OXA1L: variants seen among roughly 807,000 people sequenced by gnomAD.
OXA1L encodes OXA1L mitochondrial inner membrane insertase.
A neutral mutation model predicts 52.2 loss-of-function variants in OXA1L; 42 were observed. The observed-to-expected ratio is 0.80, with a 90% CI of 0.63 to 1.04. The LOEUF (loss-of-function observed/expected upper bound fraction) is 1.04. OXA1L is among the 50% of genes least tolerant of loss of function. The pLI is 0.00. For synonymous variants in OXA1L, 239 were observed against 201.9 expected, an observed-to-expected ratio of 1.18 and a Z score of -1.56; for missense variants, 572 against 555.0, an observed-to-expected ratio of 1.03 and a Z score of -0.31.
In OXA1L at chr14:22,772,129, C is replaced by T. The variant is rs1167438242; in HGVS notation, c.*571C>T. 2.0e-5 allele frequency: 3 copies of T among 150,874 alleles called. No homozygotes were observed. The highest frequency in any genetic ancestry group is 4.4e-5 in the Non-Finnish European group (3 of 68,182). The allele number at this position is 150,874 out of a possible 1,614,324, so 9.3% of individuals were successfully genotyped here. ...AAGAAAACTGAAGAATAGAGTGAGTCATGATTGCTTTTGCTGGCCCATGGC... is the reference window on the plus strand; with the variant it reads ...AAGAAAACTGAAGAATAGAGTGAGTTATGATTGCTTTTGCTGGCCCATGGC... On this transcript the variant is annotated 3_prime_UTR_variant, in exon 10 of 10. Transcript: ENST00000612549.
rs1263936729 is a variant in OXA1L, at chr14:22,772,440, G to C, written c.*882G>C. The C allele has an allele frequency of 7.5e-6, 1 of 133,440 alleles. No homozygotes were observed. The highest frequency in any genetic ancestry group is 1.5e-5 in the Non-Finnish European group (1 of 64,938). 8.3% of individuals were successfully genotyped at this position (133,440 alleles called of 1,614,324 possible). A position where few individuals can be genotyped will look rare whatever the true frequency, so the allele number is the denominator to read the frequency against. ...GGAGGCAGAGCTTGCAGTGAGCCGA[G>C]ATTGCGCCACTGCACTCCAGCCTGG... On this transcript the variant is annotated 3_prime_UTR_variant, in exon 10 of 10. Coordinates refer to ENST00000612549, the MANE Select transcript of OXA1L (RefSeq NM_005015.5).
At chr14:22,767,196 C>T in intron 1 of OXA1L, 52 bp from the exon 2 acceptor site, 1 of 1,571,888 alleles carries the variant, frequency 6.4e-7, no homozygotes, top group Non-Finnish European at 8.6e-7. Context: ...TGCACCCACG[C>T]GAGGACTTCT....
intron 1 of OXA1L, 172 bp from the exon 2 acceptor site, chr14:22,767,076 C>T (rs937101885): frequency 2.5e-4 from 384 of 1,536,492 alleles, no homozygotes; most frequent in Non-Finnish European, 3.3e-4. Context: ...CTGCAGGCAC[C>T]ACCCGCTGCA....
intron 1 of OXA1L, 191 bp from the exon 2 acceptor site, chr14:22,767,057 A>T: frequency 6.5e-7 from 1 of 1,536,172 alleles, no homozygotes; most frequent in Non-Finnish European, 8.7e-7. Context: ...CCCAGGTTCG[A>T]GCTTCGCTCT....
chr14:22,768,377 AAGAAGTGT>A, intron 3 of OXA1L: 1 of 584,334 alleles, frequency 1.7e-6, no homozygotes. Context: ...TCTGGGATTC[AAGAAGTGT>A]AGATATTTGA....
rs549935861 is a variant in OXA1L, at chr14:22,767,132, C to G, written c.64-116C>G. 530 of 1,526,078 alleles carry G rather than the reference C, an allele frequency of 3.5e-4. 2 individuals are homozygous for G. The African/African-American group carries it at 6.6e-3, about 19-fold the overall frequency. 94.5% of individuals were successfully genotyped at this position (1,526,078 alleles called of 1,614,324 possible). A position where few individuals can be genotyped will look rare whatever the true frequency, so the allele number is the denominator to read the frequency against. On this transcript the variant is annotated intron_variant, in intron 1 of 9. Coordinates refer to ENST00000612549, the MANE Select transcript of OXA1L (RefSeq NM_005015.5). ...GCGCGCGGTGATAGCAATGTCCTCC[C>G]CTGTAGTGGCCGAGCTGCCTGCTTC...
Position 22,769,848 on chromosome 14 carries a change from C to T in OXA1L, c.497C>T (p.Ala166Val). The T allele has an allele frequency of 1.2e-6, 2 of 1,614,150 alleles. No homozygotes were observed. The highest frequency in any genetic ancestry group is 1.7e-6 in the Non-Finnish European group (2 of 1,180,016). ...FPLIVTGQRE[A>V]ARIHNHLPEI... ...CTCATCGTGACGGGCCAGCGAGAGGCAGCCAGGATCCACAATCACTTGCCA... is the reference window on the plus strand; with the variant it reads ...CTCATCGTGACGGGCCAGCGAGAGGTAGCCAGGATCCACAATCACTTGCCA... Residue 166 changes from alanine (A) to valine (V), a missense_variant, in exon 4 of 10, where the codon GCA (alanine) becomes GTA (valine). Ala to Val is a moderately conservative substitution (Grantham distance 64). Coordinates refer to ENST00000612549, the MANE Select transcript of OXA1L (RefSeq NM_005015.5).
Position 22,771,277 on chromosome 14 carries a change from A to G in OXA1L, c.1112A>G (p.Asn371Ser), listed in dbSNP as rs956412069. 3.1e-6 allele frequency: 5 copies of G among 1,614,056 alleles called. No homozygotes were observed. In the African/African-American group the frequency reaches 6.7e-5, roughly 22 times the overall value. The change falls in exon 9 of 10, where the codon AAT becomes AGT. Residue 371 changes from asparagine to serine, a missense_variant. Asn to Ser is a conservative substitution (Grantham distance 46). Transcript: ENST00000612549. The stretch of plus-strand genomic sequence containing the variant: ...GCTTCTCTTTACACAGGCTGGAAAA[A>G]TGCTGAAATGACGCGTCAGCTGCGA... ...FLESFKKGWK[N>S]AEMTRQLRER... is the part of the protein sequence containing the mutation.
intron 3 of OXA1L, 122 bp from the exon 4 acceptor site, chr14:22,769,669 G>T: frequency 9.9e-7 from 1 of 1,006,426 alleles, no homozygotes. Flanking sequence ...GGGCCTCTTA[G>T]GCATGAGTCA....
chr14:22,773,034 A>ACTAG lies in OXA1L; in HGVS notation c.*1477_*1480dup, dbSNP rs1267055706. On this transcript the variant is annotated 3_prime_UTR_variant, in exon 10 of 10. Transcript: ENST00000612549. ...TTTTTATGTAACAATCCAACATTTG[A>ACTAG]CTAGAGCAGTTTAAGTGTTCTGTTG... The ACTAG allele has an allele frequency of 1.1e-5, 3 of 281,676 alleles. No individual in the cohort carries two copies. The highest frequency in any genetic ancestry group is 4.4e-5 in the African/African-American group (2 of 44,992). 17.4% of individuals were successfully genotyped at this position (281,676 alleles called of 1,614,324 possible).
chr14:22,768,771 C>G (rs1036289854), intron 3 of OXA1L: 1 of 155,024 alleles, frequency 6.5e-6, no homozygotes, highest in Non-Finnish European at 1.4e-5. Context: ...TTTGTGGATA[C>G]CTAGTAGGTG....
intron 3 of OXA1L, chr14:22,768,460 C>T: frequency 2.5e-6 from 1 of 403,790 alleles, no homozygotes; most frequent in East Asian, 4.7e-5. Context: ...TGGTTTAGAA[C>T]AGAGGTTCAG....
chr14:22,772,488 C>CAAAAAAAAAAAA lies in OXA1L; in HGVS notation c.*950_*961dup, dbSNP rs56136068. ...TGGGCAAGAGAGTGAGACTCCTTCT[C>CAAAAAAAAAAAA]AAAAAAAAAAAAAAAAAAAAAAAAA... On this transcript the variant is annotated 3_prime_UTR_variant, in exon 10 of 10. Coordinates refer to ENST00000612549, the MANE Select transcript of OXA1L (RefSeq NM_005015.5). 2.1e-4 allele frequency: 16 copies of CAAAAAAAAAAAA among 76,000 alleles called. No individual in the cohort carries two copies. The highest frequency in any genetic ancestry group is 7.8e-3 in the Middle Eastern group (1 of 128). The allele number at this position is 76,000 out of a possible 1,614,324, so 4.7% of individuals were successfully genotyped here. A position where few individuals can be genotyped will look rare whatever the true frequency, so the allele number is the denominator to read the frequency against.
chr14:22,767,129 T>A, intron 1 of OXA1L, 119 bp from the exon 2 acceptor site: 4 of 1,523,360 alleles, frequency 2.6e-6, no homozygotes, highest in Non-Finnish European at 1.8e-6. Context: ...AGCAATGTCC[T>A]CCCCTGTAGT....
Position 22,771,038 on chromosome 14 carries a change from C to G in OXA1L, c.960C>G (p.Leu320=), listed in dbSNP as rs756322407. The G allele has an allele frequency of 5.1e-5, 82 of 1,614,086 alleles. No individual in the cohort carries two copies. The highest frequency in any genetic ancestry group is 6.5e-5 in the Non-Finnish European group (77 of 1,180,038). ...CCCAGGCAGTGTTTATGTACTGGCTCTCCTCCAATTTGTTTTCCCTGGTCC... is the reference window on the plus strand; with the variant it reads ...CCCAGGCAGTGTTTATGTACTGGCTGTCCTCCAATTTGTTTTCCCTGGTCC... ...HFPTAVFMYW[L]SSNLFSLVQV... The change falls in exon 8 of 10, where the codon CTC becomes CTG. Residue 320 remains leucine (L), a synonymous_variant. Transcript: ENST00000612549.
chr14:22,770,791 A>G lies in OXA1L; in HGVS notation c.835-14A>G. ...ACAGCTTTCCCGACTTTTCCACCCC[A>G]CTTCTTTTGGCAGCTAGGTGCTGAG... On this transcript the variant is annotated splice_polypyrimidine_tract_variant and intron_variant, in intron 6 of 9. Transcript: ENST00000612549. 6.2e-7 allele frequency: 1 copy of G among 1,611,194 alleles called. No individual in the cohort carries two copies. Among genetic ancestry groups the G allele is most frequent in the South Asian group, 1.1e-5 (1 of 91,006 alleles).
In OXA1L at chr14:22,770,850, A is replaced by C. The variant is rs1285365570; in HGVS notation, c.880A>C (p.Arg294=). The change falls in exon 7 of 10, where the codon AGA becomes CGA. Residue 294 remains arginine (R), a synonymous_variant. Coordinates refer to ENST00000612549, the MANE Select transcript of OXA1L (RefSeq NM_005015.5). ...GCAAAGTTCTGACCTTCAGTGGATG[A>C]GAAATGTCATCAGAATGATGCCCCT... is the stretch of plus-strand genomic sequence containing the variant. ...GVQSSDLQWM[R]NVIRMMPLIT... is the part of the protein sequence containing the mutation. 7.4e-6 allele frequency: 12 copies of C among 1,614,220 alleles called. No individual in the cohort carries two copies. The highest frequency in any genetic ancestry group is 1.0e-5 in the Non-Finnish European group (12 of 1,180,034).
intron 1 of OXA1L, 147 bp from the exon 2 acceptor site, chr14:22,767,101 C>T (rs1217758881): frequency 1.3e-6 from 2 of 1,533,416 alleles, no homozygotes; most frequent in Non-Finnish European, 1.7e-6. Flanking sequence ...TTCGGGCTAG[C>T]GGTCTGCGCG....
Position 22,772,483 on chromosome 14 carries a change from CT to C in OXA1L, c.*927del, listed in dbSNP as rs2038485132. 4 of 67,556 alleles carry C rather than the reference CT, an allele frequency of 5.9e-5. No homozygotes were observed. The highest frequency in any genetic ancestry group is 6.8e-4 in the South Asian group (1 of 1,480). 4.2% of individuals were successfully genotyped at this position (67,556 alleles called of 1,614,324 possible). A position where few individuals can be genotyped will look rare whatever the true frequency, so the allele number is the denominator to read the frequency against. On this transcript the variant is annotated 3_prime_UTR_variant, in exon 10 of 10. Coordinates refer to ENST00000612549, the MANE Select transcript of OXA1L (RefSeq NM_005015.5). ...CAGCCTGGGCAAGAGAGTGAGACTC[CT>C]TCTCAAAAAAAAAAAAAAAAAAAAA...
Sources: gnomAD v4.1 joint callset for allele counts on GRCh38, gnomAD v4.1.1 for gene constraint, MANE v1.5 for transcripts, NCBI Gene and HGNC (gene_info 2026-07-23, HGNC 2026-07-21) for gene names.